The following ZFHX3 variants were observed in gnomAD, a reference collection of about 807,000 sequenced individuals.
ZFHX3 encodes the protein zinc finger homeobox 3.
ZFHX3 carries 42 observed loss-of-function variants against 279.1 expected under a neutral mutation model. The observed-to-expected ratio is 0.15, with a 90% CI of 0.12 to 0.19. The LOEUF (loss-of-function observed/expected upper bound fraction) is 0.19. Among genes scored for constraint, ZFHX3 ranks in the 10% least tolerant of loss-of-function variants. The pLI, the probability that ZFHX3 is intolerant of heterozygous loss-of-function variation, is 1.00. For missense variants in ZFHX3, 4,981 were observed against 4,754.0 expected (o/e 1.05, Z -1.40); for synonymous variants, 2,293 against 1,957.8 (o/e 1.17, Z -4.52).
intron 1 of ZFHX3, among the ~76,000 whole-genome samples, chr16:73,874,160 G>T (rs13335367): frequency 0.14 from 21,297 of 151,972 alleles, 4,204 homozygotes; most frequent in African/African-American, 0.44. Flanking sequence ...TTTAAGTGTA[G>T]GTGTACCCAG....
At position 72,950,470 on chromosome 16, in the gene ZFHX3, T is replaced by G. The variant is rs747057237; in HGVS notation, c.3215A>C (p.Lys1072Thr). 1 of 1,613,170 alleles carries G rather than the reference T, an allele frequency of 6.2e-7. No individual in the cohort carries two copies. The highest frequency in any genetic ancestry group is 8.5e-7 in the Non-Finnish European group (1 of 1,179,170). ...GAGCCATAAGGAGCTGGGCCTTACC[T>G]TGTACAACTTCAGGCTGGCCTCGTG... ...SRHEASLKLY[K>T]HLQQHESGVE... is the part of the protein sequence containing the mutation. The change falls in exon 3 of 10, where the codon AAG becomes ACG. Residue 1072 changes from lysine (K) to threonine (T), a missense_variant and splice_region_variant. Transcript: ENST00000268489.
At chr16:73,171,347 G>A (rs1967518044) in intron 5 of ZFHX3, among the ~76,000 whole-genome samples, 1 of 152,108 alleles carries the variant, frequency 6.6e-6, no homozygotes, top group African/African-American at 2.4e-5. Flanking sequence ...GTAGGGTCAG[G>A]CACCGATCAA....
chr16:73,498,829 C>A (rs7203112), intron 2 of ZFHX3, among the ~76,000 whole-genome samples: 5,134 of 152,156 alleles, frequency 0.034, 127 homozygotes, highest in African/African-American at 0.063. Context: ...AAAAAGAGGA[C>A]CTTATTGAGA....
intron 2 of ZFHX3, among the ~76,000 whole-genome samples, chr16:73,579,873 T>TATAC (rs879701579): frequency 2.1e-5 from 3 of 145,436 alleles, no homozygotes; most frequent in African/African-American, 7.7e-5. Context: ...TATATATATA[T>TATAC]ACATACACAC....
intron 2 of ZFHX3, among the ~76,000 whole-genome samples, chr16:73,495,697 C>T (rs1477730204): frequency 6.6e-6 from 1 of 152,190 alleles, no homozygotes; most frequent in Non-Finnish European, 1.5e-5. Context: ...AAGCTTACCA[C>T]CATCACCTCT....
chr16:73,522,813 G>A (rs1280738269), intron 2 of ZFHX3, among the ~76,000 whole-genome samples: 3 of 152,168 alleles, frequency 2.0e-5, no homozygotes, highest in South Asian at 2.1e-4. Flanking sequence ...ACCTGGCTGG[G>A]GAGGCCTCAG....
chr16:73,464,349 A>C (rs1457137924), intron 2 of ZFHX3, among the ~76,000 whole-genome samples: 1 of 151,906 alleles, frequency 6.6e-6, no homozygotes, highest in African/African-American at 2.4e-5. Context: ...GCTCTTCTGG[A>C]GGGAAGATGG....
intron 2 of ZFHX3, among the ~76,000 whole-genome samples, chr16:73,573,868 G>A (rs563224524): frequency 1.3e-5 from 2 of 152,008 alleles, no homozygotes; most frequent in Non-Finnish European, 2.9e-5. Flanking sequence ...TAAAATTTAC[G>A]TATAGCTTTA....
At chr16:72,806,308 G>A (rs2036263781) in intron 7 of ZFHX3, among the ~76,000 whole-genome samples, 1 of 152,200 alleles carries the variant, frequency 6.6e-6, no homozygotes, top group Non-Finnish European at 1.5e-5. Flanking sequence ...CTGAGGATGA[G>A]AAAGATTGAA....
rs149841878 is a variant in ZFHX3 at position 72,815,275 on chromosome 16, G to T, written c.3530-3237C>A. On this transcript the variant is annotated intron_variant, in intron 5 of 9. Coordinates refer to ENST00000268489, the MANE Select transcript of ZFHX3 (RefSeq NM_006885.4). ...TTACAAAAATTAGCCAGGCGTGGTGGCAAGTGCTTATAGTCCTAGCTACTC... is the reference window on the plus strand; with the variant it reads ...TTACAAAAATTAGCCAGGCGTGGTGTCAAGTGCTTATAGTCCTAGCTACTC... 2.6e-5 allele frequency among the ~76,000 whole-genome samples: 4 copies of T among 152,228 alleles called. No individual in the cohort carries two copies. The East Asian group carries it at 7.7e-4, about 29-fold the overall frequency.
intron 2 of ZFHX3, chr16:73,504,689 T>A (rs1398690035): frequency 6.6e-6 from 1 of 151,284 alleles, no homozygotes; most frequent in Non-Finnish European, 1.5e-5. Context: ...GGGAGGAGAG[T>A]CCGCATGGGT....
chr16:73,305,411 A>G (rs2015158648), intron 4 of ZFHX3, among the ~76,000 whole-genome samples: 1 of 152,162 alleles, frequency 6.6e-6, no homozygotes, highest in African/African-American at 2.4e-5. Context: ...CAGTCCATGC[A>G]AAGAGGACGG....
At chr16:72,910,525 A>G (rs910324546) in intron 3 of ZFHX3, among the ~76,000 whole-genome samples, 1 of 152,174 alleles carries the variant, frequency 6.6e-6, no homozygotes, top group African/African-American at 2.4e-5. Flanking sequence ...CGTAGATTTC[A>G]AAGGGTTTGG....
intron 4 of ZFHX3, among the ~76,000 whole-genome samples, chr16:72,852,640 CTT>C (rs1302987988): frequency 6.6e-6 from 1 of 152,178 alleles, no homozygotes; most frequent in African/African-American, 2.4e-5. Context: ...AGAAAGATCT[CTT>C]GATGACTCCT....
At chr16:72,933,216 T>C (rs965386457) in intron 3 of ZFHX3, among the ~76,000 whole-genome samples, 3 of 152,130 alleles carry the variant, frequency 2.0e-5, no homozygotes, top group African/African-American at 7.2e-5. Flanking sequence ...TAACCAGGTA[T>C]GTTACTACCT....
intron 1 of ZFHX3, among the ~76,000 whole-genome samples, chr16:73,860,836 G>A (rs1232163132): frequency 1.3e-5 from 2 of 151,976 alleles, no homozygotes; most frequent in Non-Finnish European, 2.9e-5. Context: ...AAGTGTCAGG[G>A]GCCACTCCCC....
rs142296884 is a variant in ZFHX3, at chr16:73,525,187, G to A, written c.-1546-68929C>T. On this transcript the variant is annotated intron_variant, in intron 2 of 17. Coordinates refer to the ZFHX3 transcript ENST00000641206. ...TCTCTCCCGACCTGGGGAGATTCCT[G>A]TTGGCGATTTTTCTTCTTTCAGGTT... Among the ~76,000 whole-genome samples the A allele has an allele frequency of 7.2e-5, 11 of 152,288 alleles. No individual in the cohort carries two copies. The East Asian group carries it at 2.1e-3, about 29-fold the overall frequency.
intron 5 of ZFHX3, among the ~76,000 whole-genome samples, chr16:73,225,049 C>T (rs2012549735): frequency 6.6e-6 from 1 of 152,046 alleles, no homozygotes; most frequent in African/African-American, 2.4e-5. Context: ...TTAGCCTCAT[C>T]CTAAGAGATA....
chr16:73,413,677 T>C (rs2017514092), intron 3 of ZFHX3, among the ~76,000 whole-genome samples: 1 of 152,190 alleles, frequency 6.6e-6, no homozygotes, highest in Non-Finnish European at 1.5e-5. Flanking sequence ...AACAATATTA[T>C]TCTGATACAG....
Sources: allele counts gnomAD v4.1 joint callset (sites outside exome capture counted in the v4.1 genomes callset), GRCh38; gene constraint gnomAD v4.1.1; transcripts MANE v1.5; gene names NCBI Gene and HGNC (gene_info 2026-07-23, HGNC 2026-07-21).